ST3GAL1: variants seen among roughly 807,000 people sequenced by gnomAD.
ST3GAL1 encodes CMP-N-acetylneuraminate-beta-galactosamide-alpha-2,3-sialyltransferase 1.
In ST3GAL1, 16 loss-of-function variants were observed where a neutral mutation model predicts 34.1. That is an observed-to-expected ratio of 0.47 (90% CI 0.32 to 0.71). The LOEUF (loss-of-function observed/expected upper bound fraction) is 0.71. Among genes scored for constraint, ST3GAL1 ranks in the 30% least tolerant of loss-of-function variants. The probability of loss-of-function intolerance (pLI) is 0.04; values close to 1 mark genes in which losing one functional copy is unlikely to be tolerated. For missense variants in ST3GAL1, 353 were observed against 447.4 expected (o/e 0.79, Z 1.90); for synonymous variants, 191 against 184.7 (o/e 1.03, Z -0.28).
At chr8:133,514,096 A>G (rs1028386007) in intron 2 of ST3GAL1, among the ~76,000 whole-genome samples, 1 of 152,212 alleles carries the variant, frequency 6.6e-6, no homozygotes. Context: ...AATTTTTTAA[A>G]ATAGTAGATA....
chr8:133,532,263 G>A (rs1162658347), intron 2 of ST3GAL1, among the ~76,000 whole-genome samples: 2 of 152,122 alleles, frequency 1.3e-5, no homozygotes, highest in Admixed American at 6.5e-5. Context: ...CCTGAGGTCA[G>A]GAGTTCGAGA....
At position 133,457,420 on chromosome 8, in the gene ST3GAL1, T is replaced by A. The variant is rs1351340773; in HGVS notation, c.*2344A>T. On this transcript the variant is annotated 3_prime_UTR_variant, in exon 10 of 10. Coordinates refer to ENST00000522652, the MANE Select transcript of ST3GAL1 (RefSeq NM_173344.3). Reference sequence around the variant, plus strand: ...TGAGGAGATAGCATCGCTCTCTGTATCAGTGTCTGATGATCTGGAGTCTGC... The same window carrying A: ...TGAGGAGATAGCATCGCTCTCTGTAACAGTGTCTGATGATCTGGAGTCTGC... The A allele has an allele frequency of 1.3e-5, 2 of 152,210 alleles. No individual in the cohort carries two copies. Among genetic ancestry groups the A allele is most frequent in the African/African-American group, 4.8e-5 (2 of 41,440 alleles). 9.4% of individuals were successfully genotyped at this position (152,210 alleles called of 1,614,324 possible).
chr8:133,526,945 C>CGTTCT, intron 2 of ST3GAL1, among the ~76,000 whole-genome samples: 1 of 152,228 alleles, frequency 6.6e-6, no homozygotes, highest in Non-Finnish European at 1.5e-5. Context: ...GTTCTCAGAA[C>CGTTCT]AACTCAGCGA....
At chr8:133,524,671 C>T (rs907052371) in intron 2 of ST3GAL1, among the ~76,000 whole-genome samples, 11 of 152,244 alleles carry the variant, frequency 7.2e-5, no homozygotes, top group African/African-American at 1.4e-4. Flanking sequence ...CTGGTTGCTG[C>T]GACAGGATGG....
rs538830431 is a variant in ST3GAL1, at chr8:133,457,937, C to A, written c.*1827G>T. On this transcript the variant is annotated 3_prime_UTR_variant, in exon 10 of 10. Transcript: ENST00000522652. The stretch of plus-strand genomic sequence containing the variant: ...GCGACCTTTTCAGGGATATTTTCAA[C>A]AAGAAAGTGGTTTTTCTGCTTAAAC... 5.9e-5 allele frequency: 9 copies of A among 152,366 alleles called. No individual in the cohort carries two copies. In the East Asian group the frequency reaches 1.3e-3, roughly 23 times the overall value. The allele number at this position is 152,366 out of a possible 1,614,324, so 9.4% of individuals were successfully genotyped here. A position where few individuals can be genotyped will look rare whatever the true frequency, so the allele number is the denominator to read the frequency against.
intron 3 of ST3GAL1, among the ~76,000 whole-genome samples, chr8:133,493,121 C>T (rs866211946): frequency 2.6e-5 from 4 of 152,198 alleles, no homozygotes; most frequent in African/African-American, 9.7e-5. Context: ...CAGTCCTTTC[C>T]GGGACCTCCC....
intron 1 of ST3GAL1, among the ~76,000 whole-genome samples, chr8:133,554,413 C>T (rs895165612): frequency 2.0e-5 from 3 of 152,152 alleles, no homozygotes; most frequent in African/African-American, 7.2e-5. Flanking sequence ...TTCCAAAATC[C>T]TACACTCGAC....
intron 2 of ST3GAL1, among the ~76,000 whole-genome samples, chr8:133,504,289 C>T (rs1817269095): frequency 6.6e-6 from 1 of 152,240 alleles, no homozygotes; most frequent in Non-Finnish European, 1.5e-5. Flanking sequence ...CATTCCATCG[C>T]TGGGCCTCCT....
intron 2 of ST3GAL1, chr8:133,539,560 A>C (rs928934572): frequency 1.3e-5 from 2 of 152,210 alleles, no homozygotes; most frequent in Non-Finnish European, 2.9e-5. Flanking sequence ...AACTGCACCT[A>C]AACATACCAC....
chr8:133,465,567 T>C, intron 6 of ST3GAL1: 1 of 253,506 alleles, frequency 3.9e-6, no homozygotes, highest in Non-Finnish European at 7.4e-6. Flanking sequence ...GATTACAAAA[T>C]GGGGATGAAT....
At chr8:133,514,298 T>C (rs1817582728) in intron 2 of ST3GAL1, among the ~76,000 whole-genome samples, 1 of 141,136 alleles carries the variant, frequency 7.1e-6, no homozygotes, top group Non-Finnish European at 1.6e-5. Flanking sequence ...TACAGCAAGC[T>C]CCCTGGCCAC....
At chr8:133,521,704 A>G (rs1429214589) in intron 2 of ST3GAL1, among the ~76,000 whole-genome samples, 1 of 152,262 alleles carries the variant, frequency 6.6e-6, no homozygotes, top group Non-Finnish European at 1.5e-5. Context: ...GTTACAGGAC[A>G]GAAGTTTTCA....
intron 2 of ST3GAL1, among the ~76,000 whole-genome samples, chr8:133,541,114 T>TAGAGAGAG (rs1299790632): frequency 0.024 from 1,044 of 43,884 alleles, 88 homozygotes; most frequent in Middle Eastern, 0.079. Context: ...TATATATATA[T>TAGAGAGAG]ATATATAGAG....
At chr8:133,563,911 G>C (rs1819315904) in intron 1 of ST3GAL1, among the ~76,000 whole-genome samples, 1 of 152,024 alleles carries the variant, frequency 6.6e-6, no homozygotes, top group Non-Finnish European at 1.5e-5. Flanking sequence ...GTCATCAAGG[G>C]AGTCTCCCCA....
At position 133,570,629 on chromosome 8, in the gene ST3GAL1, T is replaced by A. The variant is rs1819539899; in HGVS notation, c.-582+1064A>T. ...AGGCTAATGCGCGCTCCGACGTCTC[T>A]GTGCCAAGCCGGGGCGCAAGCTCAA... is the stretch of plus-strand genomic sequence containing the variant. On this transcript the variant is annotated intron_variant, in intron 1 of 9. Transcript: ENST00000522652. The surrounding 1 kb of genome is among the most constrained non-coding windows in gnomAD (Gnocchi z 5.6). 6.6e-6 allele frequency among the ~76,000 whole-genome samples: 1 copy of A among 152,214 alleles called. No homozygotes were observed. The highest frequency in any genetic ancestry group is 2.4e-5 in the African/African-American group (1 of 41,464).
At chr8:133,492,931 T>C (rs981190475) in intron 3 of ST3GAL1, among the ~76,000 whole-genome samples, 2 of 152,106 alleles carry the variant, frequency 1.3e-5, no homozygotes, top group Non-Finnish European at 2.9e-5. Context: ...CTCCTCACCC[T>C]CCGTCCAATA....
chr8:133,503,412 G>GT (rs1261053434), intron 2 of ST3GAL1, among the ~76,000 whole-genome samples: 2 of 152,132 alleles, frequency 1.3e-5, no homozygotes, highest in Non-Finnish European at 2.9e-5. Flanking sequence ...TTCTGGGGCT[G>GT]TTGTAAGGAT....
chr8:133,565,524 T>C (rs978795205), intron 1 of ST3GAL1, among the ~76,000 whole-genome samples: 5 of 152,186 alleles, frequency 3.3e-5, no homozygotes, highest in African/African-American at 1.2e-4. Flanking sequence ...TGCTGACTTC[T>C]CTGAATGTGG....
chr8:133,540,924 T>TATATAGACATATATATAGAGAC (rs1563734225), intron 2 of ST3GAL1, among the ~76,000 whole-genome samples: 14 of 75,810 alleles, frequency 1.8e-4, no homozygotes, highest in African/African-American at 6.2e-4. Flanking sequence ...TATAGACATA[T>TATATAGACATATATATAGAGAC]ATATATAGAC....
Sources: allele counts gnomAD v4.1 joint callset (sites outside exome capture counted in the v4.1 genomes callset), GRCh38; gene constraint gnomAD v4.1.1; non-coding constraint Gnocchi (gnomAD v3.1); transcripts MANE v1.5; gene names NCBI Gene and HGNC (gene_info 2026-07-23, HGNC 2026-07-21).